DOCK7: variants seen among roughly 807,000 people sequenced by gnomAD.
DOCK7 encodes the protein dedicator of cytokinesis 7.
DOCK7 carries 138 observed loss-of-function variants against 271.0 expected under a neutral mutation model. The observed-to-expected ratio is 0.51, with a 90% CI of 0.44 to 0.59. The LOEUF (loss-of-function observed/expected upper bound fraction) is 0.59. DOCK7 is among the 20% of genes least tolerant of loss of function. The pLI is 0.00. For synonymous variants in DOCK7, 823 were observed against 876.1 expected (o/e 0.94, Z 1.07); for missense variants, 2,066 against 2,592.4 (o/e 0.80, Z 4.41).
chr1:62,561,831 T>G, intron 18 of DOCK7, 128 bp from the exon 19 acceptor site: 1 of 491,404 alleles, frequency 2.0e-6, no homozygotes. Context: ...TGTAAATAAA[T>G]TAAGAACTTT....
At position 62,633,599 on chromosome 1, in the gene DOCK7, TA is replaced by T. The variant is rs753549432; in HGVS notation, c.1036-22del. On this transcript the variant is annotated intron_variant, in intron 9 of 49. Transcript: ENST00000635253. ...TCTAGCTGTCAAAGGCAAAAAAAGT[TA>T]AGATTAAGCTTTTAAAAGCCTGAAA... The T allele has an allele frequency of 3.8e-6, 6 of 1,576,992 alleles. No individual in the cohort carries two copies. In the South Asian group the frequency reaches 5.6e-5, roughly 15 times the overall value.
chr1:62,517,570 G>A (rs1196838306), intron 31 of DOCK7, among the ~76,000 whole-genome samples: 2 of 152,048 alleles, frequency 1.3e-5, no homozygotes, highest in African/African-American at 4.8e-5. Context: ...ACTCCAGCCT[G>A]GGCAACAAGA....
chr1:62,613,443 A>G (rs1652050155), intron 14 of DOCK7, among the ~76,000 whole-genome samples: 1 of 152,210 alleles, frequency 6.6e-6, no homozygotes, highest in African/African-American at 2.4e-5. Flanking sequence ...GGGGAACGAC[A>G]GAGTTTGTTA....
chr1:62,527,193 C>A (rs977225916), intron 31 of DOCK7, among the ~76,000 whole-genome samples: 3 of 152,014 alleles, frequency 2.0e-5, no homozygotes, highest in African/African-American at 7.3e-5. Context: ...TTCCTTCCTG[C>A]CCTGATCCTT....
intron 18 of DOCK7, among the ~76,000 whole-genome samples, chr1:62,575,398 G>A (rs572884346): frequency 5.9e-5 from 9 of 152,130 alleles, no homozygotes; most frequent in African/African-American, 2.2e-4. Context: ...CCTTGATGAC[G>A]ATCCACTTCT....
intron 15 of DOCK7, 145 bp downstream of exon 15, chr1:62,586,362 C>T (rs566364948): frequency 5.1e-4 from 292 of 574,928 alleles, no homozygotes; most frequent in Non-Finnish European, 7.7e-4. Flanking sequence ...AATGTCATTA[C>T]TATCTATACA....
chr1:62,536,525 C>A (rs1170650869), intron 28 of DOCK7, among the ~76,000 whole-genome samples: 1 of 152,118 alleles, frequency 6.6e-6, no homozygotes, highest in Non-Finnish European at 1.5e-5. Context: ...CAGCCTCATC[C>A]ATTAGATTAA....
chr1:62,625,590 A>T (rs1653847614), intron 11 of DOCK7, among the ~76,000 whole-genome samples, 189 bp from the exon 12 acceptor site: 1 of 152,188 alleles, frequency 6.6e-6, no homozygotes, highest in Admixed American at 6.5e-5. Flanking sequence ...GTCTTTTTAC[A>T]ACATCACAGG....
intron 1 of DOCK7, among the ~76,000 whole-genome samples, chr1:62,668,038 A>C (rs1659516909): frequency 6.6e-6 from 1 of 152,006 alleles, no homozygotes; most frequent in Non-Finnish European, 1.5e-5. Flanking sequence ...AAAATAAAAT[A>C]AATAAATAAA....
intron 14 of DOCK7, chr1:62,602,273 C>T (rs1274775548): frequency 1.9e-6 from 3 of 1,582,864 alleles, no homozygotes; most frequent in Admixed American, 1.7e-5. Context: ...TGATTTCATT[C>T]ATTATATTCA....
intron 1 of DOCK7, among the ~76,000 whole-genome samples, chr1:62,668,049 T>C (rs1385584273): frequency 6.6e-6 from 1 of 151,676 alleles, no homozygotes; most frequent in Non-Finnish European, 1.5e-5. Context: ...AATAAATAAA[T>C]AAATAGAAAG....
chr1:62,515,287 G>A (rs1379328718), intron 31 of DOCK7, among the ~76,000 whole-genome samples: 1 of 152,046 alleles, frequency 6.6e-6, no homozygotes, highest in Admixed American at 6.6e-5. Flanking sequence ...ATGCATATAA[G>A]TGAATTCACC....
intron 13 of DOCK7, 80 bp from the exon 14 acceptor site, chr1:62,618,948 C>T: frequency 2.3e-6 from 3 of 1,323,226 alleles, no homozygotes; most frequent in Non-Finnish European, 3.2e-6. Flanking sequence ...GACTTGGATC[C>T]TATTTTTGCA....
chr1:62,541,813 T>C (rs1645543790), intron 25 of DOCK7, among the ~76,000 whole-genome samples: 2 of 152,174 alleles, frequency 1.3e-5, no homozygotes, highest in African/African-American at 4.8e-5. Flanking sequence ...TATATATGTA[T>C]TTATTAATTG....
intron 37 of DOCK7, among the ~76,000 whole-genome samples, chr1:62,498,292 TC>T (rs1451505844): frequency 6.6e-6 from 1 of 152,080 alleles, no homozygotes; most frequent in Admixed American, 6.6e-5. Context: ...TTCATCTCCA[TC>T]CCTTTCTAAT....
intron 48 of DOCK7, among the ~76,000 whole-genome samples, chr1:62,460,628 CA>C (rs1244826465): frequency 7.9e-5 from 12 of 151,608 alleles, no homozygotes; most frequent in South Asian, 2.1e-4. Context: ...CACACACACA[CA>C]CACACACACA....
intron 1 of DOCK7, among the ~76,000 whole-genome samples, chr1:62,667,982 T>C (rs549934421): frequency 1.3e-5 from 2 of 152,174 alleles, no homozygotes; most frequent in South Asian, 4.1e-4. Context: ...ATCATGCCAC[T>C]ACACTCCAGC....
At position 62,535,218 on chromosome 1, in the gene DOCK7, T is replaced by C. The variant is rs1168019; in HGVS notation, c.3611+275A>G. 0.98 allele frequency among the ~76,000 whole-genome samples: 148,743 copies of C among 152,328 alleles called. 72,723 individuals are homozygous for C. The highest frequency in any genetic ancestry group is 1 in the Middle Eastern group (294 of 294). ...TAATATGCATAATTTATTTTATATA[T>C]TATTAAGAAGAAAAAGAACACTACT... On this transcript the variant is annotated intron_variant, in intron 29 of 49. Transcript: ENST00000635253.
intron 37 of DOCK7, among the ~76,000 whole-genome samples, chr1:62,504,134 C>A (rs777484470): frequency 1.3e-5 from 2 of 151,362 alleles, no homozygotes; most frequent in African/African-American, 2.4e-5. Flanking sequence ...ATATCAGAAC[C>A]AAGGAGACGC....
Sources: gnomAD v4.1 joint callset for allele counts (sites outside exome capture counted in the v4.1 genomes callset) on GRCh38, gnomAD v4.1.1 for gene constraint, MANE v1.5 for transcripts, NCBI Gene and HGNC (gene_info 2026-07-23, HGNC 2026-07-21) for gene names.